The following RALGAPB variants were observed in gnomAD, a reference collection of about 807,000 sequenced individuals.
The protein encoded by RALGAPB is ral GTPase-activating protein subunit beta.
RALGAPB carries 25 observed loss-of-function variants against 161.1 expected under a neutral mutation model. That is an observed-to-expected ratio of 0.16 (90% CI 0.11 to 0.22). The LOEUF is 0.22. RALGAPB is among the 10% of genes least tolerant of loss of function. RALGAPB has a pLI of 1.00. For missense variants in RALGAPB, 1,391 were observed against 1,815.2 expected (o/e 0.77, Z 4.25); for synonymous variants, 629 against 626.1 (o/e 1.00, Z -0.07).
intron 25 of RALGAPB, 107 bp downstream of exon 25, chr20:38,565,585 T>TAGC: frequency 7.5e-7 from 1 of 1,339,840 alleles, no homozygotes; most frequent in Non-Finnish European, 1.0e-6. Flanking sequence ...AGGCATTCTT[T>TAGC]AGCTTCTAAG....
In RALGAPB at chr20:38,493,101, C is replaced by T. The variant is rs201025889; in HGVS notation, c.358C>T (p.Leu120=). 4.3e-5 allele frequency: 70 copies of T among 1,609,352 alleles called. No homozygotes were observed. Among genetic ancestry groups the T allele is most frequent in the Non-Finnish European group, 5.6e-5 (66 of 1,176,768 alleles). Residue 120 remains leucine (L), a synonymous_variant, in exon 3 of 30, where the codon CTA becomes TTA. Transcript: ENST00000262879. The part of the protein sequence containing the change: ...KEPNQYVQTI[L]KHLQNLFVPR... ...GCCTAATCAATATGTTCAAACTATA[C>T]TAAAACACCTACAGAATCTTTTTGT...
intron 5 of RALGAPB, among the ~76,000 whole-genome samples, 168 bp from the exon 6 acceptor site, chr20:38,508,909 A>G (rs2085850453): frequency 6.6e-6 from 1 of 152,128 alleles, no homozygotes; most frequent in African/African-American, 2.4e-5. Context: ...TAAAAAAACT[A>G]GAAATCCTCT....
At chr20:38,529,879 C>T (rs901008375) in intron 13 of RALGAPB, among the ~76,000 whole-genome samples, 3 of 151,982 alleles carry the variant, frequency 2.0e-5, no homozygotes, top group African/African-American at 7.2e-5. Context: ...AATACATTTA[C>T]AGTACTGTAT....
At chr20:38,554,179 A>C in intron 22 of RALGAPB, 103 bp downstream of exon 22, 3 of 1,091,244 alleles carry the variant, frequency 2.7e-6, no homozygotes, top group Non-Finnish European at 2.6e-6. Flanking sequence ...TAAAAAAAAA[A>C]AAAACTGGTT....
At chr20:38,513,921 T>C (rs944233841) in intron 6 of RALGAPB, among the ~76,000 whole-genome samples, 5 of 152,212 alleles carry the variant, frequency 3.3e-5, no homozygotes, top group Admixed American at 6.5e-5. Flanking sequence ...TCCTTTTTTA[T>C]GGTCTGTTGT....
chr20:38,515,251 C>G (rs2123072116), intron 6 of RALGAPB, among the ~76,000 whole-genome samples: 1 of 152,328 alleles, frequency 6.6e-6, no homozygotes, highest in Non-Finnish European at 1.5e-5. Flanking sequence ...CACACACGTT[C>G]TCCTTTCCGC....
intron 26 of RALGAPB, 55 bp downstream of exon 26, chr20:38,567,287 A>T: frequency 6.3e-7 from 1 of 1,578,346 alleles, no homozygotes; most frequent in Non-Finnish European, 8.6e-7. Flanking sequence ...CAGGGTAATT[A>T]TAGAATCCTG....
intron 7 of RALGAPB, 118 bp from the exon 8 acceptor site, chr20:38,517,388 G>A: frequency 2.1e-6 from 2 of 966,290 alleles, no homozygotes; most frequent in Non-Finnish European, 2.9e-6. Flanking sequence ...GAGGCAACTA[G>A]CAATCTCTGC....
chr20:38,495,058 GT>G, intron 3 of RALGAPB, among the ~76,000 whole-genome samples: 1 of 152,298 alleles, frequency 6.6e-6, no homozygotes, highest in African/African-American at 2.4e-5. Context: ...CCTGGCTAAT[GT>G]TTTAGGAAAA....
intron 18 of RALGAPB, among the ~76,000 whole-genome samples, chr20:38,543,261 G>GC (rs2087033749): frequency 6.6e-6 from 1 of 152,130 alleles, no homozygotes; most frequent in African/African-American, 2.4e-5. Flanking sequence ...ATTGCTGTTT[G>GC]CCAGTTATGC....
intron 18 of RALGAPB, 133 bp from the exon 19 acceptor site, chr20:38,546,110 T>C: frequency 1.4e-6 from 2 of 1,481,298 alleles, no homozygotes; most frequent in Non-Finnish European, 1.8e-6. Flanking sequence ...CCACAAGGAG[T>C]AAATCTGACC....
chr20:38,539,704 A>T, intron 16 of RALGAPB, 72 bp from the exon 17 acceptor site: 1 of 1,449,242 alleles, frequency 6.9e-7, no homozygotes, highest in Non-Finnish European at 9.5e-7. Context: ...GTCAAGCTTC[A>T]GTGCAAATGC....
At chr20:38,484,190 A>T (rs1333516029) in intron 1 of RALGAPB, among the ~76,000 whole-genome samples, 1 of 152,170 alleles carries the variant, frequency 6.6e-6, no homozygotes, top group Non-Finnish European at 1.5e-5. Context: ...AAAAAAGAAA[A>T]GAAAAGAGTA....
At chr20:38,563,434 A>G (rs2087862728) in intron 24 of RALGAPB, among the ~76,000 whole-genome samples, 1 of 152,248 alleles carries the variant, frequency 6.6e-6, no homozygotes, top group African/African-American at 2.4e-5. Context: ...TATTATACCA[A>G]AACCTTTGTA....
chr20:38,514,740 G>C (rs965761578), intron 6 of RALGAPB, among the ~76,000 whole-genome samples: 13 of 152,192 alleles, frequency 8.5e-5, no homozygotes, highest in Non-Finnish European at 1.3e-4. Context: ...CTTTGGACTT[G>C]TGTATGCCCA....
At chr20:38,495,202 A>T (rs1234210646) in intron 3 of RALGAPB, among the ~76,000 whole-genome samples, 31 of 152,350 alleles carry the variant, frequency 2.0e-4, no homozygotes, top group Non-Finnish European at 4.4e-4. Context: ...TTGTTTTTAT[A>T]AAAACTGACA....
Position 38,516,313 on chromosome 20 carries a change from C to G in RALGAPB, c.994C>G (p.Pro332Ala). The G allele has an allele frequency of 6.2e-7, 1 of 1,614,096 alleles. No homozygotes were observed. Among genetic ancestry groups the G allele is most frequent in the Non-Finnish European group, 8.5e-7 (1 of 1,179,986 alleles). ...TCAGTATCCCTGCCTTAAACATCTG[C>G]CTCAAATATTTTTTCGTGCCATGCG... is the stretch of plus-strand genomic sequence containing the variant. ...LNQYPCLKHLPQIFFRAMRGI... is the reference protein window; with the variant it reads ...LNQYPCLKHLAQIFFRAMRGI... Residue 332 changes from proline to alanine, a missense_variant, in exon 7 of 30, where the codon CCT becomes GCT. Transcript: ENST00000262879.
At chr20:38,527,517 A>G (rs1381150781) in intron 13 of RALGAPB, among the ~76,000 whole-genome samples, 1 of 152,190 alleles carries the variant, frequency 6.6e-6, no homozygotes, top group African/African-American at 2.4e-5. Context: ...TGCTCTTTAC[A>G]TTCTCAGTTA....
intron 21 of RALGAPB, 90 bp from the exon 22 acceptor site, chr20:38,553,777 C>CA (rs35778032): frequency 0.11 from 30,396 of 273,536 alleles, 88 homozygotes; most frequent in South Asian, 0.14. Context: ...AGCCCAGTCT[C>CA]AAAAAAAAAA....
Sources: gnomAD v4.1 joint callset for allele counts (sites outside exome capture counted in the v4.1 genomes callset) on GRCh38, gnomAD v4.1.1 for gene constraint, MANE v1.5 for transcripts, NCBI Gene and HGNC (gene_info 2026-07-23, HGNC 2026-07-21) for gene names.